Variants in FBH1 observed in about 807,000 individuals in gnomAD.
The protein encoded by FBH1 is F-box DNA helicase 1.
In FBH1, 43 loss-of-function variants were observed where a neutral mutation model predicts 115.5. The observed-to-expected ratio is 0.37, with a 90% CI of 0.29 to 0.48. FBH1 has a LOEUF of 0.48. Among genes scored for constraint, FBH1 ranks in the 20% least tolerant of loss-of-function variants. The pLI is 0.99. For missense variants in FBH1, 1,001 were observed against 1,337.3 expected (o/e 0.75, Z 3.92); for synonymous variants, 524 against 507.8 (o/e 1.03, Z -0.43).
At chr10:5,893,564 T>C (rs1174353355) in intron 1 of FBH1, among the ~76,000 whole-genome samples, 3 of 152,222 alleles carry the variant, frequency 2.0e-5, no homozygotes, top group African/African-American at 7.2e-5. Context: ...ACACATTGTT[T>C]CCTTCCGCCT....
At chr10:5,927,136 A>G (rs1159573523) in intron 18 of FBH1, among the ~76,000 whole-genome samples, 1 of 152,250 alleles carries the variant, frequency 6.6e-6, no homozygotes, top group South Asian at 2.1e-4. Context: ...GGGAACTGGC[A>G]TAATGACTGT....
chr10:5,921,401 T>C lies in FBH1; in HGVS notation c.2200+44T>C. 1.9e-6 allele frequency: 3 copies of C among 1,610,682 alleles called. No homozygotes were observed. In the Admixed American group the frequency reaches 5.1e-5, roughly 27 times the overall value. ...CTTCTCTTTTGTGTTACAAAAGTTT[T>C]CCTCTTTATTTCAATTTGCCATAGA... is the stretch of plus-strand genomic sequence containing the variant. On this transcript the variant is annotated intron_variant, in intron 14 of 20. Transcript: ENST00000362091. This position sits in a 1 kb window ranked among gnomAD's most constrained non-coding sequence, Gnocchi z 6.4.
intron 1 of FBH1, chr10:5,891,018 G>A: frequency 3.5e-6 from 1 of 287,468 alleles, no homozygotes; most frequent in Non-Finnish European, 5.2e-6. Context: ...TTTTATTGCA[G>A]TCTGTGGTCC....
In FBH1 at chr10:5,921,686, CTCTT is replaced by C; in HGVS notation, c.2322+120_2322+123del. ...TGCAAGAAAGCATTTGGGTTTTTGA[CTCTT>C]TCCACCAGGCTGCACCATGAGTGGT... On this transcript the variant is annotated intron_variant, in intron 15 of 20. Transcript: ENST00000362091. The surrounding 1 kb of genome is among the most constrained non-coding windows in gnomAD (Gnocchi z 6.4). The C allele has an allele frequency of 7.4e-7, 1 of 1,356,412 alleles. No homozygotes were observed. The highest frequency in any genetic ancestry group is 9.9e-7 in the Non-Finnish European group (1 of 1,005,824). The allele number at this position is 1,356,412 out of a possible 1,614,324, so 84.0% of individuals were successfully genotyped here.
At position 5,921,632 on chromosome 10, in the gene FBH1, G is replaced by A. The variant is rs1832321701; in HGVS notation, c.2322+63G>A. On this transcript the variant is annotated intron_variant, in intron 15 of 20. Transcript: ENST00000362091. This position sits in a 1 kb window ranked among gnomAD's most constrained non-coding sequence, Gnocchi z 6.4. ...AACGTTGTAGACGAACATACCCAAT[G>A]GAAATGTTCACCTTCCTTGGGATTA... 6.4e-7 allele frequency: 1 copy of A among 1,566,158 alleles called. No homozygotes were observed. Among genetic ancestry groups the A allele is most frequent in the Non-Finnish European group, 8.6e-7 (1 of 1,166,532 alleles).
At position 5,925,886 on chromosome 10, in the gene FBH1, A is replaced by G. The variant is rs1293825444; in HGVS notation, c.2722+394A>G. The stretch of plus-strand genomic sequence containing the variant: ...CATTAATTCCTCTTCATTTTATTAA[A>G]GAGAGAAGAAAACCACAAAAGGAGA... On this transcript the variant is annotated intron_variant, in intron 18 of 20. Transcript: ENST00000362091. This position sits in a 1 kb window ranked among gnomAD's most constrained non-coding sequence, Gnocchi z 4.6. Among the ~76,000 whole-genome samples, 1 of 152,162 alleles carries G rather than the reference A, an allele frequency of 6.6e-6. No homozygotes were observed. The highest frequency in any genetic ancestry group is 1.5e-5 in the Non-Finnish European group (1 of 68,036).
At chr10:5,922,167 G>A (rs1430923026) in intron 15 of FBH1, among the ~76,000 whole-genome samples, 4 of 152,164 alleles carry the variant, frequency 2.6e-5, no homozygotes, top group Non-Finnish European at 5.9e-5. Flanking sequence ...TATGCATTAG[G>A]CACTCAGTGA....
Position 5,906,393 on chromosome 10 carries a change from C to G in FBH1, c.514C>G (p.Arg172Gly). 1 of 1,614,068 alleles carries G rather than the reference C, an allele frequency of 6.2e-7. No individual in the cohort carries two copies. Among genetic ancestry groups the G allele is most frequent in the Non-Finnish European group, 8.5e-7 (1 of 1,179,902 alleles). Residue 172 changes from arginine to glycine, a missense_variant, in exon 3 of 21, where the codon CGG becomes GGG. Physicochemically the swap from Arg to Gly is moderately radical, Grantham distance 125. Around this residue, in one of 4 missense-constraint regions of FBH1, gnomAD observed 420 missense variants for 430.4 expected, o/e 0.98. Coordinates refer to ENST00000362091, the MANE Select transcript of FBH1 (RefSeq NM_178150.3). The surrounding 1 kb of genome is among the most constrained non-coding windows in gnomAD (Gnocchi z 7.3). The stretch of plus-strand genomic sequence containing the variant: ...GCAAGAAGCAGAGGACAGTACGTCT[C>G]GGCTCTCTGCGGAGTCTGGTGAAAC... ...ARQEAEDSTS[R>G]LSAESGETDQ...
rs1421298234 is a variant in FBH1, at chr10:5,897,470, G to T, written c.2-5550G>T. On this transcript the variant is annotated intron_variant, in intron 1 of 20. Coordinates refer to ENST00000362091, the MANE Select transcript of FBH1 (RefSeq NM_178150.3). The surrounding 1 kb of genome is among the most constrained non-coding windows in gnomAD (Gnocchi z 4.7). ...ACCTCTCTCTGAGACCAGAGATACA[G>T]GTTAGTTTTCCTGACCTCCAGCTGA... Among the ~76,000 whole-genome samples the T allele has an allele frequency of 1.3e-5, 2 of 152,096 alleles. No homozygotes were observed. The highest frequency in any genetic ancestry group is 6.5e-5 in the Admixed American group (1 of 15,290).
At chr10:5,898,201 T>G (rs187578618) in intron 1 of FBH1, among the ~76,000 whole-genome samples, 10 of 152,320 alleles carry the variant, frequency 6.6e-5, no homozygotes, top group Admixed American at 2.0e-4. Context: ...TCTCTCTCAC[T>G]CACAGATCTG....
In FBH1 at chr10:5,914,200, C is replaced by A. The variant is rs747433477; in HGVS notation, c.1327C>A (p.His443Asn). ...TAGCAAGAAAACCATCCAACTTACACATGAACAACAGCTGATTCTGAATCA... is the reference window on the plus strand; with the variant it reads ...TAGCAAGAAAACCATCCAACTTACAAATGAACAACAGCTGATTCTGAATCA... ...WPGKKTIQLT[H>N]EQQLILNHKM... The change falls in exon 8 of 21, where the codon CAT becomes AAT. Residue 443 changes from histidine to asparagine, a missense_variant. His to Asn is a moderately conservative substitution (Grantham distance 68). Coordinates refer to ENST00000362091, the MANE Select transcript of FBH1 (RefSeq NM_178150.3). This position sits in a 1 kb window ranked among gnomAD's most constrained non-coding sequence, Gnocchi z 5.2. The A allele has an allele frequency of 6.2e-7, 1 of 1,614,198 alleles. No individual in the cohort carries two copies. Among genetic ancestry groups the A allele is most frequent in the South Asian group, 1.1e-5 (1 of 91,080 alleles).
Position 5,937,300 on chromosome 10 carries a change from C to T in FBH1, c.*20C>T, listed in dbSNP as rs559801649. 87 of 1,564,012 alleles carry T rather than the reference C, an allele frequency of 5.6e-5. 1 individual carries two copies. The Middle Eastern group carries it at 6.5e-4, about 12-fold the overall frequency. On this transcript the variant is annotated 3_prime_UTR_variant, in exon 21 of 21. Transcript: ENST00000362091. ...TTCTGAGGACAAGGCGCACGTTCTC[C>T]GCAGTGCAGAGCAGCTTGCCGAGGA...
At chr10:5,903,722 A>C (rs1345218292) in intron 2 of FBH1, among the ~76,000 whole-genome samples, 1 of 152,186 alleles carries the variant, frequency 6.6e-6, no homozygotes, top group East Asian at 1.9e-4. Context: ...TGTAATTATA[A>C]AGTGATAGAA....
Position 5,895,294 on chromosome 10 carries a change from G to A in FBH1, c.1+4948G>A, listed in dbSNP as rs77543613. 54,620 of 1,277,652 alleles carry A rather than the reference G, an allele frequency of 0.043. 1,576 individuals carry two copies. Among genetic ancestry groups the A allele is most frequent in the East Asian group, 0.12 (4,684 of 37,818 alleles). The allele number at this position is 1,277,652 out of a possible 1,614,324, so 79.1% of individuals were successfully genotyped here. A position where few individuals can be genotyped will look rare whatever the true frequency, so the allele number is the denominator to read the frequency against. ...CTTTGTTAAAGTTGGGTATGGTATT[G>A]TAGCAGTTTCTCCAGTCAGGTACCT... On this transcript the variant is annotated intron_variant, in intron 1 of 20. Coordinates refer to ENST00000362091, the MANE Select transcript of FBH1 (RefSeq NM_178150.3). The surrounding 1 kb of genome is among the most constrained non-coding windows in gnomAD (Gnocchi z 5.0).
At chr10:5,894,196 C>T (rs1314844607) in intron 1 of FBH1, 1 of 985,314 alleles carries the variant, frequency 1.0e-6, no homozygotes, top group East Asian at 1.1e-4. Context: ...TGCTTGCTTT[C>T]TGCATTCGTT....
Position 5,915,627 on chromosome 10 carries a change from GT to G in FBH1, c.1565+60del. On this transcript the variant is annotated intron_variant, in intron 9 of 20. Transcript: ENST00000362091. This position sits in a 1 kb window ranked among gnomAD's most constrained non-coding sequence, Gnocchi z 5.2. Reference sequence around the variant, plus strand: ...GCTGCTGGCACGGTCGCGTCTTACTGTTTTCCCGTGACGATCACATGTGAGC... The same window carrying G: ...GCTGCTGGCACGGTCGCGTCTTACTGTTTCCCGTGACGATCACATGTGAGC... 2 of 1,540,308 alleles carry G rather than the reference GT, an allele frequency of 1.3e-6. No homozygotes were observed.
rs1001880068 is a variant in FBH1 at position 5,901,453 on chromosome 10, C to T, written c.2-1567C>T. Among the ~76,000 whole-genome samples, 6 of 150,886 alleles carry T rather than the reference C, an allele frequency of 4.0e-5. No homozygotes were observed. In the South Asian group the frequency reaches 6.3e-4, roughly 16 times the overall value. On this transcript the variant is annotated intron_variant, in intron 1 of 20. Coordinates refer to ENST00000362091, the MANE Select transcript of FBH1 (RefSeq NM_178150.3). ...GATTACAGGTGTGAGACACTGCGCC[C>T]GACCTACTGGAGTGTTTTTTAGGAT... is the stretch of plus-strand genomic sequence containing the variant.
chr10:5,936,621 A>G lies in FBH1; in HGVS notation c.2961+34A>G. ...GCTGTCTGTGGAACTTAATTCAGCCATTTGCATTTTTTGCTTGTGAGCTCT... is the reference window on the plus strand; with the variant it reads ...GCTGTCTGTGGAACTTAATTCAGCCGTTTGCATTTTTTGCTTGTGAGCTCT... On this transcript the variant is annotated intron_variant, in intron 20 of 20. Coordinates refer to ENST00000362091, the MANE Select transcript of FBH1 (RefSeq NM_178150.3). The surrounding 1 kb of genome is among the most constrained non-coding windows in gnomAD (Gnocchi z 5.6). 6 of 1,608,124 alleles carry G rather than the reference A, an allele frequency of 3.7e-6. No homozygotes were observed. The highest frequency in any genetic ancestry group is 5.1e-6 in the Non-Finnish European group (6 of 1,175,352).
rs1326039652 is a variant in FBH1, at chr10:5,906,839, C to T, written c.753+207C>T. The stretch of plus-strand genomic sequence containing the variant: ...GTTCACTTCCACTCAACACAGCTTC[C>T]CTGAGTTCTGTCTACAGCTCATCTG... On this transcript the variant is annotated intron_variant, in intron 3 of 20. Coordinates refer to ENST00000362091, the MANE Select transcript of FBH1 (RefSeq NM_178150.3). This position sits in a 1 kb window ranked among gnomAD's most constrained non-coding sequence, Gnocchi z 7.3. 1.3e-5 allele frequency among the ~76,000 whole-genome samples: 2 copies of T among 152,204 alleles called. No individual in the cohort carries two copies.
Sources: gnomAD v4.1 joint callset for allele counts (sites outside exome capture counted in the v4.1 genomes callset) on GRCh38, gnomAD v4.1.1 for gene constraint, gnomAD v4.1.1 regional missense constraint, Gnocchi (gnomAD v3.1) non-coding constraint, MANE v1.5 for transcripts, NCBI Gene and HGNC (gene_info 2026-07-23, HGNC 2026-07-21) for gene names.